Variants in ROBO2 observed in about 807,000 individuals in gnomAD.
The protein encoded by ROBO2 is roundabout guidance receptor 2, also known as roundabout homolog 2.
A neutral mutation model predicts 160.8 loss-of-function variants in ROBO2; 53 were observed. The observed-to-expected ratio is 0.33, with a 90% CI of 0.26 to 0.41. The LOEUF (loss-of-function observed/expected upper bound fraction) is 0.41. Among genes scored for constraint, ROBO2 ranks in the 10% least tolerant of loss-of-function variants. The pLI, the probability that ROBO2 is intolerant of heterozygous loss-of-function variation, is 1.00. For missense variants in ROBO2, 1,577 were observed against 1,722.4 expected, an observed-to-expected ratio of 0.92 and a Z score of 1.49; for synonymous variants, 664 against 611.7, an observed-to-expected ratio of 1.09 and a Z score of -1.26.
At chr3:77,140,906 A>G (rs1230994963) in intron 2 of ROBO2, among the ~76,000 whole-genome samples, 2 of 152,154 alleles carry the variant, frequency 1.3e-5, no homozygotes, top group Non-Finnish European at 2.9e-5. Flanking sequence ...TATACAGTAA[A>G]TCATTACCTC....
chr3:76,070,286 A>T (rs1163592243), intron 2 of ROBO2, among the ~76,000 whole-genome samples: 1 of 152,150 alleles, frequency 6.6e-6, no homozygotes, highest in Non-Finnish European at 1.5e-5. Context: ...AGCATGGAAC[A>T]TCCTTGAGAA....
chr3:77,437,661 G>T (rs539076518), intron 2 of ROBO2, among the ~76,000 whole-genome samples: 3 of 151,802 alleles, frequency 2.0e-5, no homozygotes, highest in Non-Finnish European at 4.4e-5. Context: ...ATTATTCATC[G>T]TAAGCTTACA....
intron 2 of ROBO2, among the ~76,000 whole-genome samples, chr3:76,485,451 G>A (rs565056737): frequency 7.2e-5 from 11 of 152,212 alleles, no homozygotes; most frequent in Admixed American, 2.0e-4. Flanking sequence ...TTGTTCACTC[G>A]TCTGCCACTC....
At chr3:77,164,230 G>A (rs2078745595) in intron 2 of ROBO2, among the ~76,000 whole-genome samples, 1 of 152,146 alleles carries the variant, frequency 6.6e-6, no homozygotes, top group African/African-American at 2.4e-5. Context: ...AGTGGTATGT[G>A]GCATTTGTGT....
intron 2 of ROBO2, among the ~76,000 whole-genome samples, chr3:77,317,915 C>T (rs1480021379): frequency 3.1e-5 from 2 of 64,838 alleles, no homozygotes; most frequent in Non-Finnish European, 5.9e-5. Flanking sequence ...TGCTGGGGGG[C>T]TGCTAGGGGG....
In ROBO2 at chr3:76,463,488, C is replaced by G. The variant is rs577644462; in HGVS notation, c.109+525886C>G. On this transcript the variant is annotated intron_variant, in intron 2 of 26. Transcript: ENST00000487694. Reference sequence around the variant, plus strand: ...TTCCATTCCAGATTTTTTGAGTACTCTACTGGCAGTTCTGGTCCCCCGGGT... The same window carrying G: ...TTCCATTCCAGATTTTTTGAGTACTGTACTGGCAGTTCTGGTCCCCCGGGT... 4.6e-5 allele frequency among the ~76,000 whole-genome samples: 7 copies of G among 152,228 alleles called. No homozygotes were observed. The East Asian group carries it at 5.8e-4, about 13-fold the overall frequency.
chr3:77,396,749 C>A (rs1376153722), intron 2 of ROBO2, among the ~76,000 whole-genome samples: 1 of 152,018 alleles, frequency 6.6e-6, no homozygotes, highest in East Asian at 1.9e-4. Context: ...AGTCAGTCAG[C>A]AAAAGTACAT....
At chr3:76,471,677 T>C (rs2078661845) in intron 2 of ROBO2, among the ~76,000 whole-genome samples, 1 of 152,100 alleles carries the variant, frequency 6.6e-6, no homozygotes, top group Non-Finnish European at 1.5e-5. Flanking sequence ...AAGTATAACA[T>C]TTGTATTAGT....
chr3:76,541,932 A>G (rs1334375538), intron 2 of ROBO2, among the ~76,000 whole-genome samples: 1 of 152,176 alleles, frequency 6.6e-6, no homozygotes, highest in Non-Finnish European at 1.5e-5. Context: ...CTTCTTGAGA[A>G]AATAAAGACT....
chr3:77,294,656 C>CAA (rs2061815741), intron 2 of ROBO2, among the ~76,000 whole-genome samples: 3 of 115,742 alleles, frequency 2.6e-5, no homozygotes, highest in Non-Finnish European at 3.7e-5. Context: ...TAGATCACCC[C>CAA]AGACATAAAG....
chr3:76,782,366 G>C (rs2062701635), intron 2 of ROBO2, among the ~76,000 whole-genome samples: 1 of 150,634 alleles, frequency 6.6e-6, no homozygotes, highest in African/African-American at 2.4e-5. Context: ...TCCTACTGCT[G>C]TTTGATAAAA....
chr3:76,082,974 C>A (rs997314080), intron 2 of ROBO2, among the ~76,000 whole-genome samples: 1 of 152,026 alleles, frequency 6.6e-6, no homozygotes, highest in Admixed American at 6.6e-5. Flanking sequence ...TTAAATCAAC[C>A]AAACGTGTTT....
intron 2 of ROBO2, among the ~76,000 whole-genome samples, chr3:76,584,116 G>A (rs1371868295): frequency 4.0e-5 from 6 of 151,862 alleles, no homozygotes; most frequent in East Asian, 3.9e-4. Flanking sequence ...GCTTCCTCTC[G>A]CTCTAATCTT....
intron 2 of ROBO2, among the ~76,000 whole-genome samples, chr3:76,131,750 A>T (rs2071231189): frequency 6.6e-6 from 1 of 152,166 alleles, no homozygotes; most frequent in Non-Finnish European, 1.5e-5. Flanking sequence ...TGATATAAAA[A>T]CAAGTGAGCA....
intron 2 of ROBO2, among the ~76,000 whole-genome samples, chr3:76,465,013 C>T (rs2078287927): frequency 6.6e-6 from 1 of 152,034 alleles, no homozygotes; most frequent in African/African-American, 2.4e-5. Flanking sequence ...AGAAACTCAT[C>T]AAGGGAAGGT....
chr3:76,694,393 A>C (rs1410241646), intron 2 of ROBO2, among the ~76,000 whole-genome samples: 2 of 152,158 alleles, frequency 1.3e-5, no homozygotes, highest in African/African-American at 4.8e-5. Flanking sequence ...GTGCCAAGCT[A>C]ATTAGCTAGT....
At chr3:76,571,213 A>T (rs2084939564) in intron 2 of ROBO2, among the ~76,000 whole-genome samples, 1 of 152,170 alleles carries the variant, frequency 6.6e-6, no homozygotes, top group African/African-American at 2.4e-5. Flanking sequence ...AAAAGAAAAC[A>T]TTCTCAAAGC....
chr3:77,166,659 C>T (rs910502357), intron 2 of ROBO2, among the ~76,000 whole-genome samples: 5 of 152,090 alleles, frequency 3.3e-5, no homozygotes, highest in African/African-American at 1.2e-4. Context: ...CCCGGGTTCC[C>T]GCCATTCTCC....
intron 2 of ROBO2, among the ~76,000 whole-genome samples, chr3:77,265,306 C>A (rs188495689): frequency 3.7e-4 from 56 of 152,274 alleles, no homozygotes; most frequent in African/African-American, 1.3e-3. Flanking sequence ...TGCCAATCCA[C>A]CCTTCTTTTC....
Sources: allele counts gnomAD v4.1 joint callset (sites outside exome capture counted in the v4.1 genomes callset), GRCh38; gene constraint gnomAD v4.1.1; transcripts MANE v1.5; gene names NCBI Gene and HGNC (gene_info 2026-07-23, HGNC 2026-07-21).